KDM2A: variants seen among roughly 807,000 people sequenced by gnomAD.
The protein encoded by KDM2A is lysine-specific demethylase 2A.
Under a neutral mutation model 137.3 loss-of-function variants are expected in KDM2A, and 3 were observed. The observed-to-expected ratio is 0.02, with a 90% CI of 0.01 to 0.06. The LOEUF (loss-of-function observed/expected upper bound fraction) is 0.06, where lower values mean the gene tolerates loss of function less well. Ranked by LOEUF, KDM2A falls within the 10% of genes least tolerant of loss-of-function variation. KDM2A has a pLI of 1.00. For missense variants in KDM2A, 738 were observed against 1,510.6 expected (o/e 0.49, Z 8.48); for synonymous variants, 512 against 541.5 (o/e 0.95, Z 0.76).
At chr11:67,179,522 C>G (rs890590342) in intron 2 of KDM2A, among the ~76,000 whole-genome samples, 1 of 152,172 alleles carries the variant, frequency 6.6e-6, no homozygotes, top group East Asian at 1.9e-4. Flanking sequence ...TCAGGTGATC[C>G]GCCTGCCTCT....
At position 67,182,217 on chromosome 11, in the gene KDM2A, C is replaced by T. The variant is rs186910431; in HGVS notation, c.307+325C>T. 3.3e-4 allele frequency among the ~76,000 whole-genome samples: 50 copies of T among 152,170 alleles called. No homozygotes were observed. The East Asian group carries it at 5.0e-3, about 15-fold the overall frequency. ...CCAAGAAAGAAGTTTCATTAATATCCGTGATTCCCTTCCTTCCCCTAAAAG... is the reference window on the plus strand; with the variant it reads ...CCAAGAAAGAAGTTTCATTAATATCTGTGATTCCCTTCCTTCCCCTAAAAG... On this transcript the variant is annotated intron_variant, in intron 5 of 20. Coordinates refer to ENST00000529006, the MANE Select transcript of KDM2A (RefSeq NM_012308.3).
intron 12 of KDM2A, among the ~76,000 whole-genome samples, chr11:67,234,048 AG>A (rs1344173090): frequency 1.3e-5 from 2 of 152,258 alleles, no homozygotes; most frequent in African/African-American, 4.8e-5. Flanking sequence ...GTCAAAATGT[AG>A]CTGACGTCAG....
In KDM2A at chr11:67,180,363, A is replaced by G. The variant is rs1857063930; in HGVS notation, c.181+146A>G. ...TCTCTTGTTATACAATGCCATTTGC[A>G]TGCACTTATCCCCCAGTCCTCCCAC... On this transcript the variant is annotated intron_variant, in intron 3 of 20. Coordinates refer to ENST00000529006, the MANE Select transcript of KDM2A (RefSeq NM_012308.3). 6.7e-6 allele frequency: 5 copies of G among 747,820 alleles called. No homozygotes were observed. The South Asian group carries it at 1.1e-4, about 17-fold the overall frequency. The allele number at this position is 747,820 out of a possible 1,614,324, so 46.3% of individuals were successfully genotyped here. A position where few individuals can be genotyped will look rare whatever the true frequency, so the allele number is the denominator to read the frequency against.
At chr11:67,243,917 C>T (rs989372637) in intron 13 of KDM2A, 16 of 152,030 alleles carry the variant, frequency 1.1e-4, no homozygotes, top group African/African-American at 3.9e-4. Flanking sequence ...AATTTTTTTC[C>T]CCATACTGTC....
chr11:67,216,077 G>T lies in KDM2A; in HGVS notation c.687+128G>T, dbSNP rs2136395481. 3 of 753,488 alleles carry T rather than the reference G, an allele frequency of 4.0e-6. No individual in the cohort carries two copies. In the East Asian group the frequency reaches 7.4e-5, roughly 19 times the overall value. The allele number at this position is 753,488 out of a possible 1,614,324, so 46.7% of individuals were successfully genotyped here. On this transcript the variant is annotated intron_variant, in intron 8 of 20. Coordinates refer to ENST00000529006, the MANE Select transcript of KDM2A (RefSeq NM_012308.3). ...AATTGTCCCCATTCGTATCTGGAAA[G>T]AATTATAGATTAAGTTCACCTTCTT...
chr11:67,183,983 C>T (rs910999831), intron 5 of KDM2A, among the ~76,000 whole-genome samples: 2 of 151,210 alleles, frequency 1.3e-5, no homozygotes, highest in African/African-American at 4.9e-5. Context: ...GTGGCATGCA[C>T]CAATAGTCCC....
At chr11:67,235,592 C>T (rs1264893461) in intron 12 of KDM2A, among the ~76,000 whole-genome samples, 2 of 150,716 alleles carry the variant, frequency 1.3e-5, no homozygotes, top group African/African-American at 4.9e-5. Context: ...CGTGACACCG[C>T]GCCCGGCTGC....
At position 67,252,591 on chromosome 11, in the gene KDM2A, G is replaced by T. The variant is rs754688807; in HGVS notation, c.2769-103G>T. The T allele has an allele frequency of 1.5e-5, 19 of 1,259,180 alleles. No individual in the cohort carries two copies. The Middle Eastern group carries it at 5.5e-4, about 37-fold the overall frequency. 78.0% of individuals were successfully genotyped at this position (1,259,180 alleles called of 1,614,324 possible). ...GATCCCTGTACACTTGTAGAAGAACGAGCCTCCAGGTACTCTGCTTTTCCC... is the reference window on the plus strand; with the variant it reads ...GATCCCTGTACACTTGTAGAAGAACTAGCCTCCAGGTACTCTGCTTTTCCC... On this transcript the variant is annotated intron_variant, in intron 17 of 20. Coordinates refer to ENST00000529006, the MANE Select transcript of KDM2A (RefSeq NM_012308.3).
intron 2 of KDM2A, among the ~76,000 whole-genome samples, chr11:67,135,079 T>C (rs662434): frequency 8.6e-5 from 13 of 151,828 alleles, no homozygotes; most frequent in East Asian, 3.9e-4. Flanking sequence ...TTTTTTTTTT[T>C]CCCCCTGAGA....
At chr11:67,182,951 C>G (rs2136338034) in intron 5 of KDM2A, among the ~76,000 whole-genome samples, 1 of 152,330 alleles carries the variant, frequency 6.6e-6, no homozygotes, top group East Asian at 1.9e-4. Context: ...GCTCCAGTGC[C>G]ATTCCTTTGC....
intron 2 of KDM2A, among the ~76,000 whole-genome samples, chr11:67,157,797 A>G (rs191358222): frequency 1.3e-5 from 2 of 151,614 alleles, no homozygotes; most frequent in African/African-American, 2.4e-5. Context: ...GTTACAACTG[A>G]TGAACCAATA....
chr11:67,159,419 C>T (rs1328283936), intron 2 of KDM2A, among the ~76,000 whole-genome samples: 1 of 152,166 alleles, frequency 6.6e-6, no homozygotes, highest in Non-Finnish European at 1.5e-5. Context: ...TCCTAAGCTA[C>T]ATTATTTGTA....
rs750431980 is a variant in KDM2A at position 67,255,308 on chromosome 11, G to C, written c.*253G>C. 1 of 532,088 alleles carries C rather than the reference G, an allele frequency of 1.9e-6. No homozygotes were observed. Among genetic ancestry groups the C allele is most frequent in the Non-Finnish European group, 3.4e-6 (1 of 290,944 alleles). 33.0% of individuals were successfully genotyped at this position (532,088 alleles called of 1,614,324 possible). On this transcript the variant is annotated 3_prime_UTR_variant, in exon 21 of 21. Transcript: ENST00000529006. ...AGGGGAAAGCACAGGCTGTGCTGTC[G>C]AGGCGCCTGCTCGCTTACTCGCCTG...
At chr11:67,203,766 G>A (rs1228929609) in intron 5 of KDM2A, among the ~76,000 whole-genome samples, 1 of 150,144 alleles carries the variant, frequency 6.7e-6, no homozygotes, top group East Asian at 2.0e-4. Context: ...AAGGAAAAAA[G>A]AATAAAATGC....
intron 9 of KDM2A, among the ~76,000 whole-genome samples, chr11:67,218,198 A>C (rs1001229442): frequency 8.5e-5 from 13 of 152,240 alleles, no homozygotes; most frequent in African/African-American, 2.2e-4. Context: ...TACACAATCT[A>C]TGTTGAAGAA....
At chr11:67,178,114 T>C (rs1023391536) in intron 2 of KDM2A, among the ~76,000 whole-genome samples, 1 of 152,178 alleles carries the variant, frequency 6.6e-6, no homozygotes, top group Non-Finnish European at 1.5e-5. Context: ...TCATTTAAAG[T>C]GTACAAGTCA....
intron 2 of KDM2A, among the ~76,000 whole-genome samples, chr11:67,137,047 G>A (rs1039819029): frequency 6.6e-6 from 1 of 152,164 alleles, no homozygotes; most frequent in African/African-American, 2.4e-5. Context: ...GACCTAAAGG[G>A]TGACTAGGAG....
At chr11:67,172,680 C>G (rs966316274) in intron 2 of KDM2A, among the ~76,000 whole-genome samples, 3 of 150,162 alleles carry the variant, frequency 2.0e-5, no homozygotes, top group Non-Finnish European at 4.4e-5. Flanking sequence ...TGTACAAGAT[C>G]ATGTAATTTG....
At chr11:67,204,984 T>C (rs1426184139) in intron 5 of KDM2A, among the ~76,000 whole-genome samples, 5 of 152,254 alleles carry the variant, frequency 3.3e-5, no homozygotes, top group African/African-American at 1.2e-4. Context: ...AGCTTTTGTT[T>C]GAACACCTTG....
Sources: allele counts gnomAD v4.1 joint callset (sites outside exome capture counted in the v4.1 genomes callset), GRCh38; gene constraint gnomAD v4.1.1; transcripts MANE v1.5; gene names NCBI Gene and HGNC (gene_info 2026-07-23, HGNC 2026-07-21).